PXDN: variants seen among roughly 807,000 people sequenced by gnomAD.
PXDN encodes peroxidasin.
Under a neutral mutation model 140.3 loss-of-function variants are expected in PXDN, and 77 were observed. The observed-to-expected ratio is 0.55, with a 90% CI of 0.46 to 0.66. The LOEUF (loss-of-function observed/expected upper bound fraction) is 0.66. Among genes scored for constraint, PXDN ranks in the 30% least tolerant of loss-of-function variants. PXDN has a pLI of 0.00. For synonymous variants in PXDN, 911 were observed against 857.4 expected (o/e 1.06, Z -1.09); for missense variants, 1,838 against 2,039.5 (o/e 0.90, Z 1.90).
In PXDN at chr2:1,685,516, G is replaced by A. The variant is rs530047584; in HGVS notation, c.417-1365C>T. 4.6e-5 allele frequency among the ~76,000 whole-genome samples: 7 copies of A among 152,224 alleles called. No homozygotes were observed. The highest frequency in any genetic ancestry group is 7.2e-5 in the African/African-American group (3 of 41,540). Reference sequence around the variant, plus strand: ...CGATGTAAGACCCAGGCACCACCACGGCACAGTGGCTGTGAGCTGCTCAGC... The same window carrying A: ...CGATGTAAGACCCAGGCACCACCACAGCACAGTGGCTGTGAGCTGCTCAGC... On this transcript the variant is annotated intron_variant, in intron 4 of 22. Transcript: ENST00000252804. This position sits in a 1 kb window ranked among gnomAD's most constrained non-coding sequence, Gnocchi z 5.1.
At chr2:1,731,208 A>G (rs1685307533) in intron 1 of PXDN, among the ~76,000 whole-genome samples, 1 of 151,728 alleles carries the variant, frequency 6.6e-6, no homozygotes, top group African/African-American at 2.4e-5. Context: ...GTTTTAAGAG[A>G]GCGAGCAATA....
intron 1 of PXDN, among the ~76,000 whole-genome samples, chr2:1,712,567 G>A (rs1286138967): frequency 6.6e-6 from 1 of 152,140 alleles, no homozygotes. Flanking sequence ...ATCTAAATTT[G>A]CTAAATTCCT....
chr2:1,653,669 T>TCGAG lies in PXDN; in HGVS notation c.2062_2063insCTCG (p.Glu688AlafsTer63). The TCGAG allele has an allele frequency of 6.2e-7, 1 of 1,612,520 alleles. No individual in the cohort carries two copies. Among genetic ancestry groups the TCGAG allele is most frequent in the Non-Finnish European group, 8.5e-7 (1 of 1,179,462 alleles). On this transcript the variant is annotated frameshift_variant, in exon 16 of 23. Coordinates refer to ENST00000252804, the MANE Select transcript of PXDN (RefSeq NM_012293.3). LOFTEE classifies it high-confidence loss of function. Reference sequence around the variant, plus strand: ...GACCATCAAGCCATGCTGTACATGCTCCTGAATGAGCTGCAATGTCCGTTC... The same window carrying TCGAG: ...GACCATCAAGCCATGCTGTACATGCTCGAGCCTGAATGAGCTGCAATGTCCGTTC...
At chr2:1,697,908 A>C (rs1384734660) in intron 1 of PXDN, among the ~76,000 whole-genome samples, 4 of 152,250 alleles carry the variant, frequency 2.6e-5, no homozygotes, top group Non-Finnish European at 1.5e-5. Flanking sequence ...CATGATGAGC[A>C]TGGAGACAGA....
chr2:1,683,399 G>C (rs561397007), intron 6 of PXDN, among the ~76,000 whole-genome samples: 4 of 77,480 alleles, frequency 5.2e-5, no homozygotes, highest in South Asian at 4.5e-4. Flanking sequence ...CTGGGCAACA[G>C]AGCAAGACCC....
At chr2:1,701,281 C>T (rs1010076136) in intron 1 of PXDN, among the ~76,000 whole-genome samples, 2 of 152,210 alleles carry the variant, frequency 1.3e-5, no homozygotes, top group African/African-American at 4.8e-5. Flanking sequence ...TGAGTACATC[C>T]ATGCACTTGG....
At chr2:1,702,321 TC>T (rs1684455169) in intron 1 of PXDN, among the ~76,000 whole-genome samples, 1 of 152,142 alleles carries the variant, frequency 6.6e-6, no homozygotes, top group Admixed American at 6.5e-5. Flanking sequence ...CGGCACAGTG[TC>T]CCCTGTCACC....
chr2:1,684,697 A>G (rs1684008890), intron 4 of PXDN, among the ~76,000 whole-genome samples: 1 of 152,252 alleles, frequency 6.6e-6, no homozygotes, highest in African/African-American at 2.4e-5. Flanking sequence ...GCATTAAATA[A>G]GAGACCATCT....
chr2:1,659,738 A>G (rs1683259312), intron 14 of PXDN, among the ~76,000 whole-genome samples: 2 of 152,226 alleles, frequency 1.3e-5, no homozygotes, highest in South Asian at 2.1e-4. Context: ...TTAATTTTAC[A>G]TCAACTTTAC....
rs189834699 is a variant in PXDN, at chr2:1,698,128, A to G, written c.201-4994T>C. On this transcript the variant is annotated intron_variant, in intron 1 of 22. Coordinates refer to ENST00000252804, the MANE Select transcript of PXDN (RefSeq NM_012293.3). ...CTTCTAAAGCCTGGGGCCCTAAACC[A>G]TAAAGCACCAATGACAGTAAGCAGC... Among the ~76,000 whole-genome samples the G allele has an allele frequency of 2.9e-3, 436 of 152,312 alleles. 5 individuals are homozygous for G. Among genetic ancestry groups the G allele is most frequent in the African/African-American group, 9.8e-3 (407 of 41,572 alleles).
intron 1 of PXDN, among the ~76,000 whole-genome samples, chr2:1,729,033 G>A (rs1328257615): frequency 6.7e-6 from 1 of 148,392 alleles, no homozygotes; most frequent in Non-Finnish European, 1.5e-5. Flanking sequence ...CCAGTGCGGG[G>A]CCCGGTGTGA....
intron 7 of PXDN, among the ~76,000 whole-genome samples, chr2:1,678,132 C>T (rs915233617): frequency 1.3e-5 from 2 of 152,120 alleles, no homozygotes; most frequent in Non-Finnish European, 2.9e-5. Flanking sequence ...CTCTGGGAAC[C>T]GTGCCTCCTC....
chr2:1,708,521 C>G (rs1684674699), intron 1 of PXDN, among the ~76,000 whole-genome samples: 1 of 152,146 alleles, frequency 6.6e-6, no homozygotes, highest in South Asian at 2.1e-4. Flanking sequence ...TCTCAATCCT[C>G]CTTTACAGAG....
In PXDN at chr2:1,638,961, TC is replaced by T; in HGVS notation, c.4090del (p.Glu1364AsnfsTer40). Reference sequence around the variant, plus strand: ...GGCTGAGGTGCTGTTGCTGAGATGTTCCCCCTGTCTCCCAACACTGTGGTGA... The same window carrying T: ...GGCTGAGGTGCTGTTGCTGAGATGTTCCCCTGTCTCCCAACACTGTGGTGA... ...RKIPSVGRQG[E>X]HLSNSTSAFS... On this transcript the variant is annotated frameshift_variant, in exon 21 of 23. Transcript: ENST00000252804. LOFTEE classifies it high-confidence loss of function. 1 of 1,613,902 alleles carries T rather than the reference TC, an allele frequency of 6.2e-7. No homozygotes were observed.
chr2:1,744,107 G>A, intron 1 of PXDN, 149 bp downstream of exon 1: 1 of 924,972 alleles, frequency 1.1e-6, no homozygotes, highest in Non-Finnish European at 1.5e-6. Context: ...CCCCTTCGGA[G>A]GTTCCCTTCT....
At chr2:1,743,791 GA>G (rs1417140357) in intron 1 of PXDN, among the ~76,000 whole-genome samples, 1 of 146,274 alleles carries the variant, frequency 6.8e-6, no homozygotes, top group Non-Finnish European at 1.5e-5. Flanking sequence ...TGGGAGGACG[GA>G]GGGGGCTGCG....
chr2:1,649,765 G>A lies in PXDN; in HGVS notation c.2105-90C>T. ...CCTTGGCACCTCTGCCGCTGACATGGGGCTATCTACCCCCAGCTCATGAAA... is the reference window on the plus strand; with the variant it reads ...CCTTGGCACCTCTGCCGCTGACATGAGGCTATCTACCCCCAGCTCATGAAA... On this transcript the variant is annotated intron_variant, in intron 16 of 22. Coordinates refer to ENST00000252804, the MANE Select transcript of PXDN (RefSeq NM_012293.3). This position sits in a 1 kb window ranked among gnomAD's most constrained non-coding sequence, Gnocchi z 7.1. The A allele has an allele frequency of 7.0e-7, 1 of 1,425,040 alleles. No individual in the cohort carries two copies. The highest frequency in any genetic ancestry group is 9.8e-7 in the Non-Finnish European group (1 of 1,020,656). 88.3% of individuals were successfully genotyped at this position (1,425,040 alleles called of 1,614,324 possible).
At chr2:1,699,865 T>TA (rs1684381766) in intron 1 of PXDN, among the ~76,000 whole-genome samples, 1 of 152,210 alleles carries the variant, frequency 6.6e-6, no homozygotes, top group Non-Finnish European at 1.5e-5. Flanking sequence ...TGTAAGAAGT[T>TA]ACTCTCATGA....
intron 9 of PXDN, among the ~76,000 whole-genome samples, chr2:1,673,222 TAG>T (rs1409181226): frequency 6.6e-6 from 1 of 152,198 alleles, no homozygotes; most frequent in Non-Finnish European, 1.5e-5. Flanking sequence ...GATAAAAATC[TAG>T]ATTTGTGGTT....
Sources: allele counts gnomAD v4.1 joint callset (sites outside exome capture counted in the v4.1 genomes callset), GRCh38; gene constraint gnomAD v4.1.1; non-coding constraint Gnocchi (gnomAD v3.1); transcripts MANE v1.5; gene names NCBI Gene and HGNC (gene_info 2026-07-23, HGNC 2026-07-21).